CNPY1: variants seen among roughly 807,000 people sequenced by gnomAD.
CNPY1 encodes protein canopy homolog 1.
A neutral mutation model predicts 14.4 loss-of-function variants in CNPY1; 14 were observed. That is an observed-to-expected ratio of 0.97 (90% confidence interval 0.64 to 1.52). CNPY1 has a LOEUF of 1.52. Ranked by LOEUF, CNPY1 falls within the 40% of genes most tolerant of loss-of-function variation. CNPY1 has a pLI of 0.00. For missense variants in CNPY1, 129 were observed against 131.5 expected (o/e 0.98, Z 0.09); for synonymous variants, 43 against 46.5 (o/e 0.92, Z 0.31).
At chr7:155,541,804 C>T (rs1007915526) in intron 2 of CNPY1, among the ~76,000 whole-genome samples, 2 of 152,176 alleles carry the variant, frequency 1.3e-5, no homozygotes, top group East Asian at 1.9e-4. Flanking sequence ...TCCAGCCTCG[C>T]ACCAGCCTCT....
chr7:155,513,859 G>A (rs1368703534), intron 2 of CNPY1, among the ~76,000 whole-genome samples: 2 of 152,192 alleles, frequency 1.3e-5, no homozygotes, highest in African/African-American at 2.4e-5. Context: ...ACTAGCATTT[G>A]CTTTCCTATT....
chr7:155,508,430 G>A (rs1450549380), intron 3 of CNPY1, among the ~76,000 whole-genome samples: 1 of 152,216 alleles, frequency 6.6e-6, no homozygotes, highest in African/African-American at 2.4e-5. Context: ...TCATTTGGCT[G>A]TAGATATTTG....
intron 2 of CNPY1, among the ~76,000 whole-genome samples, chr7:155,524,484 GC>G (rs1226185873): frequency 6.6e-6 from 1 of 152,144 alleles, no homozygotes; most frequent in African/African-American, 2.4e-5. Context: ...AGCTCCACCT[GC>G]TGTCAGATCA....
chr7:155,511,818 T>C (rs1796538765), intron 2 of CNPY1, among the ~76,000 whole-genome samples: 1 of 152,206 alleles, frequency 6.6e-6, no homozygotes, highest in Admixed American at 6.5e-5. Flanking sequence ...TAAGAAAAAT[T>C]TTGATCCTGA....
intron 2 of CNPY1, among the ~76,000 whole-genome samples, chr7:155,512,678 G>A (rs946828301): frequency 1.3e-5 from 2 of 152,172 alleles, no homozygotes; most frequent in African/African-American, 4.8e-5. Flanking sequence ...TTGCTTGATA[G>A]CTGTCACAAT....
chr7:155,504,324 T>C (rs764267942), intron 4 of CNPY1, among the ~76,000 whole-genome samples: 74 of 152,172 alleles, frequency 4.9e-4, no homozygotes, highest in Non-Finnish European at 9.3e-4. Flanking sequence ...AACACAATCA[T>C]CTTAAATCTG....
At chr7:155,513,341 A>G (rs980261751) in intron 2 of CNPY1, among the ~76,000 whole-genome samples, 1 of 152,214 alleles carries the variant, frequency 6.6e-6, no homozygotes, top group Non-Finnish European at 1.5e-5. Context: ...ACCACATATA[A>G]CGGAATTAAT....
At chr7:155,505,616 T>A (rs1488285427) in intron 4 of CNPY1, among the ~76,000 whole-genome samples, 2 of 152,218 alleles carry the variant, frequency 1.3e-5, no homozygotes, top group African/African-American at 4.8e-5. Flanking sequence ...TCCTGGAGCA[T>A]CTGAGAGAGG....
chr7:155,545,953 A>G lies in CNPY1; in HGVS notation c.-14-10T>C. On this transcript the variant is annotated splice_polypyrimidine_tract_variant and intron_variant, in intron 1 of 4. Transcript: ENST00000636446. ...ATCAGCGCCCTGCACGCTAAACAAG[A>G]CACAAAACAGCTGTGATCAGAGGAG... 2.5e-6 allele frequency: 1 copy of G among 398,590 alleles called. No homozygotes were observed. The highest frequency in any genetic ancestry group is 4.4e-6 in the Non-Finnish European group (1 of 226,080). The allele number at this position is 398,590 out of a possible 1,614,324, so 24.7% of individuals were successfully genotyped here. A position where few individuals can be genotyped will look rare whatever the true frequency, so the allele number is the denominator to read the frequency against.
Position 155,509,117 on chromosome 7 carries a change from G to A in CNPY1, c.100-20C>T, listed in dbSNP as rs1796434263. 4.2e-6 allele frequency: 6 copies of A among 1,432,042 alleles called. No individual in the cohort carries two copies. Among genetic ancestry groups the A allele is most frequent in the Middle Eastern group, 1.8e-4 (1 of 5,554 alleles). The allele number at this position is 1,432,042 out of a possible 1,614,324, so 88.7% of individuals were successfully genotyped here. ...GGGGATCTAAGAAGAAAGACAGGGC[G>A]AGGAAACTTGTCTTAATGTTAATGT... On this transcript the variant is annotated intron_variant, in intron 2 of 4. Transcript: ENST00000636446.
At chr7:155,542,492 C>T (rs1177264554) in intron 2 of CNPY1, among the ~76,000 whole-genome samples, 1 of 152,210 alleles carries the variant, frequency 6.6e-6, no homozygotes, top group Non-Finnish European at 1.5e-5. Context: ...ATGCTGGGGC[C>T]TCACTGCTGG....
intron 2 of CNPY1, among the ~76,000 whole-genome samples, chr7:155,519,243 G>C (rs1167360503): frequency 6.6e-6 from 1 of 152,142 alleles, no homozygotes; most frequent in African/African-American, 2.4e-5. Flanking sequence ...ATGGATGCAG[G>C]CTGGGTGTAG....
intron 2 of CNPY1, chr7:155,510,293 G>A (rs1362378266): frequency 6.6e-6 from 1 of 152,254 alleles, no homozygotes; most frequent in African/African-American, 2.4e-5. Context: ...TGAAAGCGCG[G>A]GCGGAGGGTG....
At chr7:155,537,480 A>G (rs538046278) in intron 2 of CNPY1, among the ~76,000 whole-genome samples, 1 of 149,842 alleles carries the variant, frequency 6.7e-6, no homozygotes, top group Non-Finnish European at 1.5e-5. Context: ...CTGGGGTGCA[A>G]TGGTGCGATC....
At chr7:155,539,402 T>G (rs1028451768) in intron 2 of CNPY1, among the ~76,000 whole-genome samples, 1 of 152,210 alleles carries the variant, frequency 6.6e-6, no homozygotes, top group African/African-American at 2.4e-5. Flanking sequence ...CATTCTTGTA[T>G]GCCACTACAC....
rs142283188 is a variant in CNPY1, at chr7:155,507,211, G to A, written c.304-95C>T. 630 of 762,000 alleles carry A rather than the reference G, an allele frequency of 8.3e-4. 8 individuals are homozygous for A. The East Asian group carries it at 0.015, about 19-fold the overall frequency. 47.2% of individuals were successfully genotyped at this position (762,000 alleles called of 1,614,324 possible). On this transcript the variant is annotated intron_variant, in intron 3 of 4. Coordinates refer to ENST00000636446, the MANE Select transcript of CNPY1 (RefSeq NM_001393663.1). ...TGCAACAATTTATTAGCTAAACATA[G>A]GAAATCATGTAACCAAGGTGGTCCA...
chr7:155,520,047 A>C (rs1035575829), intron 2 of CNPY1, among the ~76,000 whole-genome samples: 4 of 152,246 alleles, frequency 2.6e-5, no homozygotes, highest in Non-Finnish European at 5.9e-5. Context: ...TTTGCGGAAC[A>C]TATTCCTAAG....
At chr7:155,522,247 G>A (rs995311021) in intron 2 of CNPY1, among the ~76,000 whole-genome samples, 1 of 152,236 alleles carries the variant, frequency 6.6e-6, no homozygotes, top group Non-Finnish European at 1.5e-5. Flanking sequence ...TGGCGGGGTG[G>A]GTATCGCTAC....
At chr7:155,537,415 TTTTC>T (rs1304128704) in intron 2 of CNPY1, among the ~76,000 whole-genome samples, 3 of 150,984 alleles carry the variant, frequency 2.0e-5, no homozygotes, top group African/African-American at 7.3e-5. Flanking sequence ...GTGGAATTTT[TTTTC>T]TTTTCTTTTT....
Sources: allele counts gnomAD v4.1 joint callset (sites outside exome capture counted in the v4.1 genomes callset), GRCh38; gene constraint gnomAD v4.1.1; transcripts MANE v1.5; gene names NCBI Gene and HGNC (gene_info 2026-07-23, HGNC 2026-07-21).